The following PDE8A variants were observed in gnomAD, a reference collection of about 807,000 sequenced individuals.
PDE8A encodes the protein high affinity cAMP-specific and IBMX-insensitive 3',5'-cyclic phosphodiesterase 8A.
PDE8A carries 59 observed loss-of-function variants against 105.0 expected under a neutral mutation model. The ratio of observed to expected loss-of-function variants is 0.56; its 90% confidence interval spans 0.46 to 0.70. The LOEUF (loss-of-function observed/expected upper bound fraction) is 0.70. Ranked by LOEUF, PDE8A falls within the 30% of genes least tolerant of loss-of-function variation. PDE8A has a pLI of 0.00. For missense variants in PDE8A, 1,014 were observed against 1,045.9 expected, an observed-to-expected ratio of 0.97 and a Z score of 0.42; for synonymous variants, 355 against 371.9, an observed-to-expected ratio of 0.95 and a Z score of 0.52.
intron 1 of PDE8A, among the ~76,000 whole-genome samples, chr15:85,051,725 G>C (rs1199454938): frequency 6.6e-6 from 1 of 152,066 alleles, no homozygotes; most frequent in Non-Finnish European, 1.5e-5. Context: ...TTGGTTTTCT[G>C]TGCCTGTTAG....
rs747828709 is a variant in PDE8A, at chr15:85,076,762, C to G, written c.521C>G (p.Pro174Arg). ...GATAGAGAAGAGTTGTCCGTAATGC[C>G]TTTCATTTCTGCTGGATTTACAAGG... ...RVDREELSVM[P>R]FISAGFTRRY... is the part of the protein sequence containing the mutation. The change falls in exon 5 of 22, where the codon CCT (proline) becomes CGT (arginine). Residue 174 changes from proline to arginine, a missense_variant. Coordinates refer to ENST00000394553, the MANE Select transcript of PDE8A (RefSeq NM_002605.3). The G allele has an allele frequency of 1.3e-6, 2 of 1,594,964 alleles. No homozygotes were observed. Among genetic ancestry groups the G allele is most frequent in the African/African-American group, 2.7e-5 (2 of 74,454 alleles).
intron 14 of PDE8A, chr15:85,115,168 A>G: frequency 2.4e-6 from 1 of 424,104 alleles, no homozygotes; most frequent in Non-Finnish European, 4.2e-6. Flanking sequence ...CAAAAGATGC[A>G]GGCTCACCTC....
chr15:85,018,122 G>A (rs992461812), intron 1 of PDE8A, among the ~76,000 whole-genome samples: 20 of 152,294 alleles, frequency 1.3e-4, no homozygotes, highest in South Asian at 1.0e-3. Flanking sequence ...AGAAGTGGCA[G>A]TAGGCTAACT....
At chr15:85,116,257 C>T (rs1484160770) in intron 16 of PDE8A, 138 bp downstream of exon 16, 8 of 770,538 alleles carry the variant, frequency 1.0e-5, no homozygotes, top group African/African-American at 7.0e-5. Context: ...AACAGGGCAC[C>T]AGGTGGCTCT....
rs375406268 is a variant in PDE8A at position 85,061,628 on chromosome 15, T to C, written c.187-2742T>C. On this transcript the variant is annotated intron_variant, in intron 1 of 21. Transcript: ENST00000394553. ...GGTCTCTTTGAGTTCATCTTACTTA[T>C]TGTTTGTTGAGCTTCTTTATGTCCT... 4.6e-5 allele frequency among the ~76,000 whole-genome samples: 7 copies of C among 152,170 alleles called. No homozygotes were observed. The East Asian group carries it at 9.6e-4, about 21-fold the overall frequency.
intron 1 of PDE8A, among the ~76,000 whole-genome samples, chr15:85,025,571 A>G (rs916080432): frequency 2.0e-5 from 3 of 152,220 alleles, no homozygotes; most frequent in African/African-American, 7.2e-5. Flanking sequence ...TCTACCAGAA[A>G]TGCTTCTTAT....
At chr15:85,046,526 A>G (rs2080890616) in intron 1 of PDE8A, among the ~76,000 whole-genome samples, 1 of 152,238 alleles carries the variant, frequency 6.6e-6, no homozygotes, top group African/African-American at 2.4e-5. Context: ...TTTTTTGAAT[A>G]CCATGTACTA....
Position 85,083,640 on chromosome 15 carries a change from C to G in PDE8A, c.631C>G (p.Leu211Val). The G allele has an allele frequency of 1.9e-6, 3 of 1,606,290 alleles. No homozygotes were observed. The highest frequency in any genetic ancestry group is 2.6e-6 in the Non-Finnish European group (3 of 1,173,012). The change falls in exon 6 of 22, where the codon CTC (leucine) becomes GTC (valine). Residue 211 changes from leucine to valine, a missense_variant. Leu to Val is a conservative substitution (Grantham distance 32). Coordinates refer to ENST00000394553, the MANE Select transcript of PDE8A (RefSeq NM_002605.3). ...TGGAGAGGTGCGATCACAACTGAAA[C>G]TCAGGTAATTCTACCACTTCTGGAA... ...EFGEVRSQLKLRACNSVFTAL... is the reference protein window; with the variant it reads ...EFGEVRSQLKVRACNSVFTAL...
intron 5 of PDE8A, among the ~76,000 whole-genome samples, chr15:85,080,024 A>G (rs1420262080): frequency 6.6e-6 from 1 of 152,242 alleles, no homozygotes; most frequent in Non-Finnish European, 1.5e-5. Flanking sequence ...AACAGTTACA[A>G]GACACTTAAC....
chr15:85,043,733 T>C (rs2080847006), intron 1 of PDE8A, among the ~76,000 whole-genome samples: 1 of 152,118 alleles, frequency 6.6e-6, no homozygotes, highest in Admixed American at 6.6e-5. Flanking sequence ...GGTCTTACTC[T>C]GTCGCCCAGG....
At chr15:85,019,949 T>G (rs1271848307) in intron 1 of PDE8A, among the ~76,000 whole-genome samples, 49 of 138,084 alleles carry the variant, frequency 3.5e-4, no homozygotes, top group African/African-American at 1.3e-3. Flanking sequence ...TTTGGTTTTT[T>G]TTTTTTTTTT....
chr15:85,120,157 A>C (rs922501494), intron 17 of PDE8A: 27 of 151,846 alleles, frequency 1.8e-4, no homozygotes, highest in Non-Finnish European at 2.9e-5. Context: ...AAAAAACAAA[A>C]GAGGCCAATA....
intron 6 of PDE8A, 114 bp from the exon 7 acceptor site, chr15:85,089,224 A>G (rs1266044026): frequency 1.5e-6 from 1 of 662,536 alleles, no homozygotes; most frequent in Non-Finnish European, 2.7e-6. Flanking sequence ...GTTTTAAAAT[A>G]TTTTCTCCCT....
intron 8 of PDE8A, among the ~76,000 whole-genome samples, chr15:85,092,521 C>G (rs1287622874): frequency 6.6e-6 from 1 of 152,052 alleles, no homozygotes; most frequent in Admixed American, 6.5e-5. Flanking sequence ...TCATCCGAGA[C>G]CACAGCAGCC....
chr15:85,078,553 A>G lies in PDE8A; in HGVS notation c.546+1766A>G, dbSNP rs1430678036. On this transcript the variant is annotated intron_variant, in intron 5 of 21. Transcript: ENST00000394553. Reference sequence around the variant, plus strand: ...AACAGAGCGATACTCCATCTCAAAAAAAAAAAAAAAAAAAAAAGAAAGAAA... The same window carrying G: ...AACAGAGCGATACTCCATCTCAAAAGAAAAAAAAAAAAAAAAAGAAAGAAA... Among the ~76,000 whole-genome samples the G allele has an allele frequency of 4.9e-3, 616 of 125,860 alleles. 4 individuals are homozygous for G. Among genetic ancestry groups the G allele is most frequent in the Non-Finnish European group, 5.7e-3 (369 of 65,048 alleles). The allele number at this position is 125,860 out of a possible 152,430, so 82.6% of individuals were successfully genotyped here.
intron 1 of PDE8A, among the ~76,000 whole-genome samples, chr15:85,052,928 G>A (rs1245937514): frequency 6.6e-6 from 1 of 152,178 alleles, no homozygotes; most frequent in Non-Finnish European, 1.5e-5. Flanking sequence ...TATTGCCTAG[G>A]TTTTCTTCCT....
chr15:85,068,593 C>A (rs1243831482), intron 3 of PDE8A, among the ~76,000 whole-genome samples: 1 of 152,024 alleles, frequency 6.6e-6, no homozygotes, highest in Non-Finnish European at 1.5e-5. Context: ...AGATACCACT[C>A]AGAGGAAGGG....
At chr15:85,126,102 TC>T (rs1241291192) in intron 19 of PDE8A, 104 bp from the exon 20 acceptor site, 11 of 724,784 alleles carry the variant, frequency 1.5e-5, no homozygotes, top group African/African-American at 1.8e-5. Context: ...TCCTTATAGA[TC>T]CTGACTAGTG....
At chr15:85,090,837 G>A (rs539144434) in intron 7 of PDE8A, 9 of 628,396 alleles carry the variant, frequency 1.4e-5, no homozygotes, top group South Asian at 3.0e-5. Flanking sequence ...AAGCCCAGCC[G>A]GGTATCACCC....
Sources: allele counts gnomAD v4.1 joint callset (sites outside exome capture counted in the v4.1 genomes callset), GRCh38; gene constraint gnomAD v4.1.1; transcripts MANE v1.5; gene names NCBI Gene and HGNC (gene_info 2026-07-23, HGNC 2026-07-21).